CFAP61: variants seen among roughly 807,000 people sequenced by gnomAD.
The protein encoded by CFAP61 is cilia and flagella associated protein 61, also known as cilia- and flagella-associated protein 61.
A neutral mutation model predicts 135.6 loss-of-function variants in CFAP61; 107 were observed. The observed-to-expected ratio is 0.79, with a 90% CI of 0.67 to 0.93. CFAP61 has a LOEUF of 0.93. CFAP61 is among the 40% of genes least tolerant of loss of function. CFAP61 has a pLI of 0.00. For synonymous variants in CFAP61, 575 were observed against 578.5 expected (o/e 0.99, Z 0.09); for missense variants, 1,507 against 1,556.2 (o/e 0.97, Z 0.53).
chr20:20,141,106 A>G (rs1045991326), intron 8 of CFAP61, among the ~76,000 whole-genome samples: 1 of 152,010 alleles, frequency 6.6e-6, no homozygotes, highest in African/African-American at 2.4e-5. Flanking sequence ...TTTTAAGTAG[A>G]GACGAAGTTT....
At chr20:20,355,025 G>T (rs1382888680) in intron 26 of CFAP61, among the ~76,000 whole-genome samples, 1 of 131,480 alleles carries the variant, frequency 7.6e-6, no homozygotes, top group Non-Finnish European at 1.6e-5. Flanking sequence ...AAGAGGGGAG[G>T]TGATCACACT....
rs971205124 is a variant in CFAP61 at position 20,074,159 on chromosome 20, T to C, written c.295-143T>C. The C allele has an allele frequency of 3.5e-5, 24 of 682,094 alleles. No homozygotes were observed. In the Admixed American group the frequency reaches 4.9e-4, roughly 14 times the overall value. The allele number at this position is 682,094 out of a possible 1,614,324, so 42.3% of individuals were successfully genotyped here. A position where few individuals can be genotyped will look rare whatever the true frequency, so the allele number is the denominator to read the frequency against. Reference sequence around the variant, plus strand: ...GACAGCTCAAATGCCGCCTGGGTGTTGCATCACTTAGACATAAAATATCAA... The same window carrying C: ...GACAGCTCAAATGCCGCCTGGGTGTCGCATCACTTAGACATAAAATATCAA... On this transcript the variant is annotated intron_variant, in intron 3 of 26. Transcript: ENST00000245957.
intron 26 of CFAP61, among the ~76,000 whole-genome samples, chr20:20,355,285 CTG>C (rs1415355877): frequency 1.1e-4 from 13 of 117,256 alleles, no homozygotes; most frequent in Admixed American, 1.9e-4. Flanking sequence ...GGTGGTCACA[CTG>C]TGAGGGGAGG....
intron 25 of CFAP61, among the ~76,000 whole-genome samples, chr20:20,331,023 T>C (rs1427509523): frequency 1.3e-5 from 2 of 152,250 alleles, no homozygotes; most frequent in Non-Finnish European, 2.9e-5. Context: ...TGAGACTATA[T>C]AAATACCTTA....
chr20:20,270,915 G>T (rs1000812588), intron 21 of CFAP61, among the ~76,000 whole-genome samples: 4 of 152,154 alleles, frequency 2.6e-5, no homozygotes, highest in African/African-American at 9.7e-5. Context: ...CAAGTGATCT[G>T]CCAGCCTCAA....
chr20:20,312,966 C>T, intron 25 of CFAP61, among the ~76,000 whole-genome samples: 1 of 152,152 alleles, frequency 6.6e-6, no homozygotes. Context: ...TATTTAATTT[C>T]TCTATTGCCT....
chr20:20,172,005 A>G (rs2054258759), intron 13 of CFAP61: 3 of 389,466 alleles, frequency 7.7e-6, no homozygotes, highest in Non-Finnish European at 1.4e-5. Flanking sequence ...TGTTCATATT[A>G]TGTGATCAGG....
At chr20:20,268,333 G>A (rs1405024506) in intron 21 of CFAP61, among the ~76,000 whole-genome samples, 1 of 152,154 alleles carries the variant, frequency 6.6e-6, no homozygotes, top group East Asian at 1.9e-4. Flanking sequence ...GGATGTGAGG[G>A]GAGAATGGTG....
At chr20:20,305,807 G>A (rs945363840) in intron 25 of CFAP61, among the ~76,000 whole-genome samples, 3 of 152,124 alleles carry the variant, frequency 2.0e-5, no homozygotes, top group Admixed American at 6.5e-5. Flanking sequence ...AAAGGCAATC[G>A]AGGTCAGTTT....
At chr20:20,220,325 A>G (rs930596972) in intron 17 of CFAP61, 11 of 152,260 alleles carry the variant, frequency 7.2e-5, no homozygotes, top group Non-Finnish European at 1.2e-4. Context: ...TCCCCCTGCC[A>G]TGCCCTGTGC....
intron 8 of CFAP61, among the ~76,000 whole-genome samples, chr20:20,114,131 A>G (rs1480787977): frequency 1.3e-5 from 2 of 151,724 alleles, no homozygotes; most frequent in South Asian, 2.1e-4. Context: ...TTAGCCAGGC[A>G]TGGTGACATG....
In CFAP61 at chr20:20,229,738, C is replaced by G. The variant is rs543195075; in HGVS notation, c.2060+1362C>G. 9.2e-5 allele frequency among the ~76,000 whole-genome samples: 14 copies of G among 152,300 alleles called. No individual in the cohort carries two copies. In the South Asian group the frequency reaches 2.7e-3, roughly 29 times the overall value. ...TTTCTAGCCAGTTTGTTCAGTTCTC[C>G]AGAACATACTCTTAGGTAACTAGAA... On this transcript the variant is annotated intron_variant, in intron 18 of 26. Transcript: ENST00000245957.
At chr20:20,094,239 T>C (rs2047404177) in intron 7 of CFAP61, among the ~76,000 whole-genome samples, 1 of 152,228 alleles carries the variant, frequency 6.6e-6, no homozygotes, top group Non-Finnish European at 1.5e-5. Context: ...AAGACCCGCT[T>C]TCACGTATTC....
At position 20,268,385 on chromosome 20, in the gene CFAP61, A is replaced by G. The variant is rs554107999; in HGVS notation, c.2503+5255A>G. ...ACAGTGGATATTGGGCATCAAGAAC[A>G]AGAGATACTCCCAGGAGGAAGTCGG... On this transcript the variant is annotated intron_variant, in intron 21 of 26. Coordinates refer to ENST00000245957, the MANE Select transcript of CFAP61 (RefSeq NM_015585.4). Among the ~76,000 whole-genome samples the G allele has an allele frequency of 3.3e-5, 5 of 152,340 alleles. No homozygotes were observed. The East Asian group carries it at 7.7e-4, about 24-fold the overall frequency.
chr20:20,251,312 CACACACACACATACAGATAA>C (rs1353402098), intron 19 of CFAP61, among the ~76,000 whole-genome samples: 1 of 148,432 alleles, frequency 6.7e-6, no homozygotes, highest in African/African-American at 2.5e-5. Flanking sequence ...AGTGATTTCA[CACACACACACATACAGATAA>C]ACACACACAC....
intron 24 of CFAP61, among the ~76,000 whole-genome samples, chr20:20,297,207 T>C (rs2055704768): frequency 6.6e-6 from 1 of 152,236 alleles, no homozygotes; most frequent in African/African-American, 2.4e-5. Context: ...TTAAACCGTG[T>C]GTCCTTTTGT....
At chr20:20,173,834 T>C (rs1462268724) in intron 13 of CFAP61, among the ~76,000 whole-genome samples, 2 of 152,184 alleles carry the variant, frequency 1.3e-5, no homozygotes, top group South Asian at 2.1e-4. Context: ...TGGAGAGCAA[T>C]GAGATGATAC....
chr20:20,355,101 G>GTGTGAGGGGAGGTGGTCACAC (rs1395644300), intron 26 of CFAP61, among the ~76,000 whole-genome samples: 1 of 144,364 alleles, frequency 6.9e-6, no homozygotes, highest in African/African-American at 2.6e-5. Flanking sequence ...TGGTCACACT[G>GTGTGAGGGGAGGTGGTCACAC]TGTGAGGGGA....
chr20:20,061,660 A>G lies in CFAP61; in HGVS notation c.143+4864A>G, dbSNP rs373502929. Among the ~76,000 whole-genome samples, 38 of 152,350 alleles carry G rather than the reference A, an allele frequency of 2.5e-4. No individual in the cohort carries two copies. The East Asian group carries it at 5.2e-3, about 21-fold the overall frequency. On this transcript the variant is annotated intron_variant, in intron 2 of 26. Transcript: ENST00000245957. ...ATGCTTCTAACAACACAGTTCTAAA[A>G]TAGATAAAAGTGAAAATCACAGGTA...
Sources: allele counts gnomAD v4.1 joint callset (sites outside exome capture counted in the v4.1 genomes callset), GRCh38; gene constraint gnomAD v4.1.1; transcripts MANE v1.5; gene names NCBI Gene and HGNC (gene_info 2026-07-23, HGNC 2026-07-21).